The following CSMD1 variants were observed in gnomAD, a reference collection of about 807,000 sequenced individuals.
The protein encoded by CSMD1 is CUB and Sushi multiple domains 1.
CSMD1 carries 213 observed loss-of-function variants against 417.5 expected under a neutral mutation model. That is an observed-to-expected ratio of 0.51 (90% CI 0.46 to 0.57). CSMD1 has a LOEUF of 0.57. Ranked by LOEUF, CSMD1 falls within the 20% of genes least tolerant of loss-of-function variation. The probability of loss-of-function intolerance (pLI) is 0.00; values close to 1 mark genes in which losing one functional copy is unlikely to be tolerated. For synonymous variants in CSMD1, 2,862 were observed against 1,736.8 expected, an observed-to-expected ratio of 1.65 and a Z score of -16.11; for missense variants, 6,923 against 4,529.7, an observed-to-expected ratio of 1.53 and a Z score of -15.17.
In CSMD1 at chr8:3,307,802, G is replaced by A. The variant is rs759285944; in HGVS notation, c.3843C>T (p.Ile1281=). The stretch of plus-strand genomic sequence containing the variant: ...ATATTCGTCCTGATGTGGCTGCATG[G>A]ATCTGACCACCACATTCCGCTGTAG... ...PSCIAECGGQ[I]HAATSGRILS... is the part of the protein sequence containing the mutation. Residue 1281 remains isoleucine (I), a synonymous_variant, in exon 25 of 70, where the codon ATC becomes ATT. Coordinates refer to ENST00000635120, the MANE Select transcript of CSMD1 (RefSeq NM_033225.6). 1 of 1,613,378 alleles carries A rather than the reference G, an allele frequency of 6.2e-7. No homozygotes were observed. Among genetic ancestry groups the A allele is most frequent in the East Asian group, 2.2e-5 (1 of 44,842 alleles).
At chr8:3,032,561 C>T (rs947289415) in intron 50 of CSMD1, among the ~76,000 whole-genome samples, 17 of 151,998 alleles carry the variant, frequency 1.1e-4, no homozygotes, top group Non-Finnish European at 1.5e-4. Flanking sequence ...CGAGAGGGTA[C>T]TGAATTCAAA....
chr8:3,971,883 G>T (rs971872630), intron 5 of CSMD1, among the ~76,000 whole-genome samples: 7 of 152,030 alleles, frequency 4.6e-5, no homozygotes, highest in African/African-American at 1.7e-4. Context: ...TTTCTTTGTT[G>T]ATTTTTTTGT....
At chr8:3,914,430 T>A (rs1017128381) in intron 5 of CSMD1, among the ~76,000 whole-genome samples, 8 of 152,158 alleles carry the variant, frequency 5.3e-5, no homozygotes, top group African/African-American at 1.9e-4. Context: ...ACAACCATGT[T>A]CTAAATCTTC....
intron 37 of CSMD1, among the ~76,000 whole-genome samples, chr8:3,179,145 ACG>A: frequency 1.3e-5 from 2 of 148,926 alleles, no homozygotes; most frequent in East Asian, 4.1e-4. Flanking sequence ...CGGGGTTTCA[ACG>A]TGTTAGCCAG....
At chr8:3,931,003 A>G (rs1810099696) in intron 5 of CSMD1, among the ~76,000 whole-genome samples, 1 of 150,646 alleles carries the variant, frequency 6.6e-6, no homozygotes, top group Non-Finnish European at 1.5e-5. Flanking sequence ...TAAAGGTGTT[A>G]ACTAGCCATA....
At chr8:4,798,851 A>G (rs1347070336) in intron 1 of CSMD1, among the ~76,000 whole-genome samples, 2 of 152,228 alleles carry the variant, frequency 1.3e-5, no homozygotes, top group Non-Finnish European at 2.9e-5. Context: ...TAACCTCTGT[A>G]TATCACAGAT....
chr8:3,556,035 T>C (rs541529083), intron 10 of CSMD1, among the ~76,000 whole-genome samples: 1 of 152,218 alleles, frequency 6.6e-6, no homozygotes, highest in African/African-American at 2.4e-5. Flanking sequence ...TATAGAGGAA[T>C]TTGACATTAA....
At chr8:3,486,843 A>T (rs967149394) in intron 11 of CSMD1, among the ~76,000 whole-genome samples, 1 of 152,186 alleles carries the variant, frequency 6.6e-6, no homozygotes, top group Non-Finnish European at 1.5e-5. Flanking sequence ...TGGTTTGTTT[A>T]TCCCCCTACC....
At chr8:3,055,073 T>A (rs1372358699) in intron 49 of CSMD1, among the ~76,000 whole-genome samples, 2 of 152,194 alleles carry the variant, frequency 1.3e-5, no homozygotes, top group African/African-American at 4.8e-5. Flanking sequence ...GTGCGCAGTG[T>A]TCAGCTTCCT....
intron 10 of CSMD1, among the ~76,000 whole-genome samples, chr8:3,569,352 A>G (rs1210521863): frequency 6.6e-6 from 1 of 152,224 alleles, no homozygotes; most frequent in East Asian, 1.9e-4. Context: ...TTACATAAAT[A>G]CTTGCAATAA....
At chr8:4,155,497 T>A (rs1361226877) in intron 3 of CSMD1, among the ~76,000 whole-genome samples, 3 of 152,196 alleles carry the variant, frequency 2.0e-5, no homozygotes, top group Non-Finnish European at 4.4e-5. Flanking sequence ...CAAGGGAAAG[T>A]ATCGTTCTTA....
chr8:2,972,249 A>C (rs186135324), intron 57 of CSMD1, among the ~76,000 whole-genome samples: 4 of 152,288 alleles, frequency 2.6e-5, no homozygotes, highest in African/African-American at 7.2e-5. Context: ...AATGAAGATT[A>C]AGGAAACTCA....
chr8:4,244,864 C>T (rs1802610719), intron 3 of CSMD1, among the ~76,000 whole-genome samples: 1 of 152,022 alleles, frequency 6.6e-6, no homozygotes, highest in Non-Finnish European at 1.5e-5. Flanking sequence ...AACAAGATCC[C>T]CTAGGGATAT....
chr8:4,805,447 C>T (rs548108892), intron 1 of CSMD1, among the ~76,000 whole-genome samples: 2 of 152,222 alleles, frequency 1.3e-5, no homozygotes, highest in African/African-American at 4.8e-5. Context: ...AGCCAGGAGG[C>T]TCAGTGGGTT....
At chr8:3,935,866 G>A (rs555203599) in intron 5 of CSMD1, among the ~76,000 whole-genome samples, 50 of 152,170 alleles carry the variant, frequency 3.3e-4, no homozygotes, top group African/African-American at 1.2e-3. Flanking sequence ...AGAAATCATT[G>A]GCCTTAGTGA....
intron 37 of CSMD1, among the ~76,000 whole-genome samples, chr8:3,168,414 T>C (rs569847942): frequency 1.3e-5 from 2 of 152,310 alleles, no homozygotes; most frequent in South Asian, 2.1e-4. Flanking sequence ...TGCTGCTCGT[T>C]ATTTTTGTTA....
chr8:4,240,126 T>C (rs771922590), intron 3 of CSMD1, among the ~76,000 whole-genome samples: 8 of 152,214 alleles, frequency 5.3e-5, no homozygotes, highest in Non-Finnish European at 2.9e-5. Context: ...TATTTTTCTA[T>C]CTAAAAGTAA....
chr8:3,916,646 C>T (rs987371779), intron 5 of CSMD1, among the ~76,000 whole-genome samples: 1 of 152,156 alleles, frequency 6.6e-6, no homozygotes, highest in African/African-American at 2.4e-5. Context: ...GGTACCCTGA[C>T]AGGCAACCCG....
intron 5 of CSMD1, among the ~76,000 whole-genome samples, chr8:3,824,623 T>G (rs1246926690): frequency 6.6e-6 from 1 of 152,212 alleles, no homozygotes; most frequent in East Asian, 1.9e-4. Flanking sequence ...TTATTAATGT[T>G]TTTCTACTGA....
Sources: allele counts gnomAD v4.1 joint callset (sites outside exome capture counted in the v4.1 genomes callset), GRCh38; gene constraint gnomAD v4.1.1; transcripts MANE v1.5; gene names NCBI Gene and HGNC (gene_info 2026-07-23, HGNC 2026-07-21).